ZNF804A: variants seen among roughly 807,000 people sequenced by gnomAD.
ZNF804A encodes zinc finger protein 804A.
In ZNF804A, 2 loss-of-function variants were observed where a neutral mutation model predicts 16.5. That is an observed-to-expected ratio of 0.12 (90% CI 0.05 to 0.38). The LOEUF is 0.38. ZNF804A is among the 10% of genes least tolerant of loss of function. ZNF804A has a pLI of 0.99. For synonymous variants in ZNF804A, 534 were observed against 489.6 expected, an observed-to-expected ratio of 1.09 and a Z score of -1.20; for missense variants, 1,473 against 1,390.7, an observed-to-expected ratio of 1.06 and a Z score of -0.94.
intron 1 of ZNF804A, among the ~76,000 whole-genome samples, chr2:184,679,476 G>A (rs1692500773): frequency 6.6e-6 from 1 of 152,134 alleles, no homozygotes; most frequent in African/African-American, 2.4e-5. Flanking sequence ...CCTCCCCGGT[G>A]CAGCTACTAC....
At position 184,905,195 on chromosome 2, in the gene ZNF804A, T is replaced by G. The variant is rs188807548; in HGVS notation, c.256-28408T>G. ...AAAAAGGAGTGTAATCCTTTGTCAT[T>G]AAATCCTGCTGCTTAAAAGACACTA... is the stretch of plus-strand genomic sequence containing the variant. On this transcript the variant is annotated intron_variant, in intron 2 of 3. Transcript: ENST00000302277. 3.3e-3 allele frequency among the ~76,000 whole-genome samples: 495 copies of G among 152,176 alleles called. 2 individuals carry two copies. Among genetic ancestry groups the G allele is most frequent in the African/African-American group, 0.011 (474 of 41,540 alleles).
At chr2:184,857,574 C>A (rs1010850341) in intron 1 of ZNF804A, among the ~76,000 whole-genome samples, 1 of 152,044 alleles carries the variant, frequency 6.6e-6, no homozygotes, top group Admixed American at 6.6e-5. Context: ...GGAAATGGAG[C>A]AATGAATTTC....
chr2:184,817,267 TA>T (rs1694997701), intron 1 of ZNF804A, among the ~76,000 whole-genome samples: 3 of 151,714 alleles, frequency 2.0e-5, no homozygotes, highest in African/African-American at 7.3e-5. Context: ...ACAAAGCCAC[TA>T]GGGTCTGGAG....
intron 1 of ZNF804A, among the ~76,000 whole-genome samples, chr2:184,603,982 C>T (rs1282312093): frequency 6.6e-6 from 1 of 151,770 alleles, no homozygotes; most frequent in African/African-American, 2.4e-5. Flanking sequence ...AACATGCAAG[C>T]AGTATTTTAA....
chr2:184,618,028 A>G (rs985635394), intron 1 of ZNF804A, among the ~76,000 whole-genome samples: 4 of 152,046 alleles, frequency 2.6e-5, no homozygotes, highest in African/African-American at 9.7e-5. Context: ...ATGGACAAGA[A>G]TACTAAGACT....
chr2:184,840,077 G>A (rs1232591723), intron 1 of ZNF804A, among the ~76,000 whole-genome samples: 1 of 152,114 alleles, frequency 6.6e-6, no homozygotes, highest in Non-Finnish European at 1.5e-5. Context: ...AGCTATGAAT[G>A]GAACTTTGTT....
chr2:184,755,992 A>G (rs894792138), intron 1 of ZNF804A, among the ~76,000 whole-genome samples: 3 of 152,034 alleles, frequency 2.0e-5, no homozygotes, highest in African/African-American at 7.2e-5. Context: ...GTTTAACAAA[A>G]TATTAGTTTG....
chr2:184,715,184 T>C (rs1011471458), intron 1 of ZNF804A, among the ~76,000 whole-genome samples: 14 of 152,128 alleles, frequency 9.2e-5, no homozygotes, highest in African/African-American at 3.4e-4. Context: ...GGACTAACTG[T>C]TCTGGACTTA....
At chr2:184,697,470 T>C (rs1185043765) in intron 1 of ZNF804A, among the ~76,000 whole-genome samples, 1 of 152,018 alleles carries the variant, frequency 6.6e-6, no homozygotes, top group Admixed American at 6.6e-5. Flanking sequence ...CTGAATAAAT[T>C]GCTAATCCTA....
intron 1 of ZNF804A, among the ~76,000 whole-genome samples, chr2:184,747,404 G>A (rs1356185247): frequency 1.4e-5 from 2 of 144,250 alleles, no homozygotes; most frequent in Admixed American, 7.0e-5. Flanking sequence ...TAGAATAAAT[G>A]TATTTTGCTC....
intron 1 of ZNF804A, among the ~76,000 whole-genome samples, chr2:184,813,947 C>T (rs1452082002): frequency 7.3e-6 from 1 of 137,178 alleles, no homozygotes; most frequent in African/African-American, 2.7e-5. Context: ...CCACTGTGTG[C>T]TTGAAACACT....
chr2:184,866,472 T>C lies in ZNF804A; in HGVS notation c.215T>C (p.Phe72Ser), dbSNP rs371381412. 1 of 1,612,220 alleles carries C rather than the reference T, an allele frequency of 6.2e-7. No homozygotes were observed. Among genetic ancestry groups the C allele is most frequent in the Non-Finnish European group, 8.5e-7 (1 of 1,179,164 alleles). ...AAGCAGTACTATAAGCACCAGGAGT[T>C]TGACAATCACATTAATTCATATGAC... The part of the protein sequence containing the change: ...CDKQYYKHQE[F>S]DNHINSYDHA... The change falls in exon 2 of 4, where the codon TTT becomes TCT. Residue 72 changes from phenylalanine (F) to serine (S), a missense_variant. Phe to Ser is a radical substitution (Grantham distance 155, BLOSUM62 -2). Transcript: ENST00000302277.
At chr2:184,608,211 C>T (rs1378329630) in intron 1 of ZNF804A, among the ~76,000 whole-genome samples, 1 of 151,986 alleles carries the variant, frequency 6.6e-6, no homozygotes, top group Non-Finnish European at 1.5e-5. Context: ...TCCCAAAGTG[C>T]TGGGATTACA....
chr2:184,835,851 G>A (rs1695337374), intron 1 of ZNF804A, among the ~76,000 whole-genome samples: 1 of 152,032 alleles, frequency 6.6e-6, no homozygotes, highest in African/African-American at 2.4e-5. Context: ...TTGTGGAAAA[G>A]CACTCAAGAA....
intron 1 of ZNF804A, among the ~76,000 whole-genome samples, chr2:184,858,325 G>A (rs1048765415): frequency 7.2e-5 from 11 of 151,756 alleles, no homozygotes; most frequent in South Asian, 2.1e-4. Context: ...ACAACATGGC[G>A]AAACCCCGTC....
chr2:184,764,422 A>G (rs1488276350), intron 1 of ZNF804A, among the ~76,000 whole-genome samples: 3 of 152,182 alleles, frequency 2.0e-5, no homozygotes, highest in Non-Finnish European at 4.4e-5. Flanking sequence ...TCTTATAAAC[A>G]TATCACCTCA....
chr2:184,685,808 G>A (rs1692618778), intron 1 of ZNF804A, among the ~76,000 whole-genome samples: 1 of 152,138 alleles, frequency 6.6e-6, no homozygotes, highest in Non-Finnish European at 1.5e-5. Context: ...CTTAAAGGTG[G>A]TTTCACCAGG....
chr2:184,935,625 C>T (rs991868305), intron 3 of ZNF804A, among the ~76,000 whole-genome samples, 158 bp from the exon 4 acceptor site: 2 of 152,064 alleles, frequency 1.3e-5, no homozygotes, highest in Non-Finnish European at 2.9e-5. Flanking sequence ...GATATTGTGG[C>T]ACCATGGAAA....
At chr2:184,824,487 A>AG (rs1416051877) in intron 1 of ZNF804A, among the ~76,000 whole-genome samples, 1 of 152,080 alleles carries the variant, frequency 6.6e-6, no homozygotes, top group African/African-American at 2.4e-5. Context: ...GAAAAAAAAA[A>AG]CAGAATGGAC....
Sources: allele counts gnomAD v4.1 joint callset (sites outside exome capture counted in the v4.1 genomes callset), GRCh38; gene constraint gnomAD v4.1.1; transcripts MANE v1.5; gene names NCBI Gene and HGNC (gene_info 2026-07-23, HGNC 2026-07-21).